CPLANE1: variants seen among roughly 807,000 people sequenced by gnomAD.
CPLANE1 encodes the protein ciliogenesis and planar polarity effector 1.
In CPLANE1, 263 loss-of-function variants were observed where a neutral mutation model predicts 362.5. That is an observed-to-expected ratio of 0.73 (90% confidence interval 0.66 to 0.80). The LOEUF is 0.80. CPLANE1 is among the 30% of genes least tolerant of loss of function. The pLI, the probability that CPLANE1 is intolerant of heterozygous loss-of-function variation, is 0.00. For missense variants in CPLANE1, 3,461 were observed against 3,793.4 expected, an observed-to-expected ratio of 0.91 and a Z score of 2.30; for synonymous variants, 1,212 against 1,302.6, an observed-to-expected ratio of 0.93 and a Z score of 1.50.
At chr5:37,186,758 C>T (rs1448305446) in intron 23 of CPLANE1, among the ~76,000 whole-genome samples, 1 of 152,094 alleles carries the variant, frequency 6.6e-6, no homozygotes, top group Non-Finnish European at 1.5e-5. Flanking sequence ...CAATACACTA[C>T]GATTAACTGT....
chr5:37,108,662 T>C lies in CPLANE1; in HGVS notation c.9401-191A>G, dbSNP rs188827742. 1.2e-4 allele frequency among the ~76,000 whole-genome samples: 19 copies of C among 152,354 alleles called. No homozygotes were observed. In the Middle Eastern group the frequency reaches 0.01, roughly 82 times the overall value. On this transcript the variant is annotated intron_variant, in intron 51 of 52. Transcript: ENST00000651892. ...TCCTGTCACTGTACGAGATGGAAAC[T>C]GAATTCCAGCCTTTGGATTTGAAAA... is the stretch of plus-strand genomic sequence containing the variant.
At chr5:37,134,154 T>G (rs1413426317) in intron 46 of CPLANE1, among the ~76,000 whole-genome samples, 2 of 152,224 alleles carry the variant, frequency 1.3e-5, no homozygotes, top group East Asian at 3.8e-4. Flanking sequence ...GTCACCTTCA[T>G]AGAATGATTG....
At chr5:37,238,602 C>A (rs1024881399) in intron 8 of CPLANE1, among the ~76,000 whole-genome samples, 6 of 146,326 alleles carry the variant, frequency 4.1e-5, no homozygotes, top group Non-Finnish European at 7.4e-5. Context: ...TCAGGTGATA[C>A]CCCCTAGCTC....
the CPLANE1 span, among the ~76,000 whole-genome samples, chr5:37,081,399 T>C: frequency 3.3e-5 from 5 of 152,094 alleles, no homozygotes; most frequent in Non-Finnish European, 7.4e-5. Context: ...CTCGGCTCAC[T>C]GCAACCTCCA....
At chr5:37,200,404 C>T (rs192218126) in intron 19 of CPLANE1, among the ~76,000 whole-genome samples, 100 of 152,296 alleles carry the variant, frequency 6.6e-4, no homozygotes, top group Non-Finnish European at 1.3e-3. Flanking sequence ...AATTTCTAAA[C>T]CAATTACTAA....
chr5:37,231,144 CA>C (rs1561681405), intron 8 of CPLANE1, 95 bp from the exon 9 acceptor site: 1 of 848,002 alleles, frequency 1.2e-6, no homozygotes. Context: ...TGTGAAAGTT[CA>C]AAAAATGAGG....
intron 26 of CPLANE1, among the ~76,000 whole-genome samples, chr5:37,182,196 T>TAC (rs1353926767): frequency 6.6e-6 from 1 of 151,670 alleles, no homozygotes; most frequent in Non-Finnish European, 1.5e-5. Context: ...CACACACACA[T>TAC]ACACACACAC....
intron 49 of CPLANE1, 120 bp downstream of exon 49, chr5:37,121,497 T>A (rs942338818): frequency 1.1e-6 from 1 of 872,540 alleles, no homozygotes. Flanking sequence ...TTTTCCTTTA[T>A]CATCATAACT....
chr5:37,213,586 C>G lies in CPLANE1; in HGVS notation c.2893G>C (p.Val965Leu), dbSNP rs1221769879. 13 of 1,544,522 alleles carry G rather than the reference C, an allele frequency of 8.4e-6. No individual in the cohort carries two copies. The highest frequency in any genetic ancestry group is 1.1e-5 in the Non-Finnish European group (13 of 1,142,850). Residue 965 changes from valine (V) to leucine (L), a missense_variant, in exon 16 of 53, where the codon GTT becomes CTT. Coordinates refer to ENST00000651892, the MANE Select transcript of CPLANE1 (RefSeq NM_001384732.1). ...GTTTTAATATGAAGTGGGGGAAGAA[C>G]ATTCACATGATGAGGGGGCAAAATG... Reference protein sequence around the residue: ...LCILPPHHVNVLPPLHIKTEQ... With the variant: ...LCILPPHHVNLLPPLHIKTEQ...
At chr5:37,144,837 C>T (rs1341989856) in intron 43 of CPLANE1, among the ~76,000 whole-genome samples, 6 of 139,170 alleles carry the variant, frequency 4.3e-5, no homozygotes, top group African/African-American at 1.1e-4. Flanking sequence ...GGTGACAGAG[C>T]GAGACTCTGT....
chr5:37,154,605 C>A (rs1306163095), intron 41 of CPLANE1, among the ~76,000 whole-genome samples: 1 of 151,586 alleles, frequency 6.6e-6, no homozygotes, highest in Admixed American at 6.6e-5. Context: ...TGGTCTGCAA[C>A]ACCTTTTTTA....
In CPLANE1 at chr5:37,209,431, T is replaced by G. The variant is rs1561612925; in HGVS notation, c.2921-3006A>C. 3 of 1,304,134 alleles carry G rather than the reference T, an allele frequency of 2.3e-6. No individual in the cohort carries two copies. The East Asian group carries it at 6.9e-5, about 30-fold the overall frequency. The allele number at this position is 1,304,134 out of a possible 1,614,324, so 80.8% of individuals were successfully genotyped here. ...AGTCAAAATGAACTGCGCAAAAAGC[T>G]ATACCAGACATTTAAGGATCGGGGT... On this transcript the variant is annotated intron_variant, in intron 16 of 52. Transcript: ENST00000651892. The surrounding 1 kb of genome is among the most constrained non-coding windows in gnomAD (Gnocchi z 4.6).
intron 52 of CPLANE1, 37 bp from the exon 53 acceptor site, chr5:37,107,815 TA>T: frequency 2.0e-6 from 3 of 1,503,578 alleles, no homozygotes; most frequent in South Asian, 1.3e-5. Flanking sequence ...TCCTAGCCCC[TA>T]AAAACAAACA....
chr5:37,121,886 T>G (rs530401361), intron 48 of CPLANE1, 102 bp from the exon 49 acceptor site: 5 of 1,052,170 alleles, frequency 4.8e-6, no homozygotes, highest in African/African-American at 1.6e-5. Flanking sequence ...TTCTGGTTTT[T>G]TTTTTTTTTT....
intron 42 of CPLANE1, among the ~76,000 whole-genome samples, chr5:37,153,113 G>A (rs1774027538): frequency 6.6e-6 from 1 of 152,072 alleles, no homozygotes; most frequent in African/African-American, 2.4e-5. Context: ...TAGGAAGCAT[G>A]GGTTTACTTC....
At position 37,224,305 on chromosome 5, in the gene CPLANE1, A is replaced by G; in HGVS notation, c.2529T>C (p.Tyr843=). The change falls in exon 14 of 53, where the codon TAT becomes TAC. Residue 843 remains tyrosine, a synonymous_variant. Coordinates refer to ENST00000651892, the MANE Select transcript of CPLANE1 (RefSeq NM_001384732.1). ...TTTTCCACAGCTGAACAGACTTTTC[A>G]TATGATCCTAATAAAAAACATTCTT... ...NGEECFLLGS[Y]EKSVQLWKKA... is the part of the protein sequence containing the mutation. 6.5e-7 allele frequency: 1 copy of G among 1,549,702 alleles called. No homozygotes were observed. The highest frequency in any genetic ancestry group is 1.2e-5 in the South Asian group (1 of 83,514).
chr5:37,090,709 G>T, the CPLANE1 span, among the ~76,000 whole-genome samples: 3 of 152,132 alleles, frequency 2.0e-5, no homozygotes, highest in Non-Finnish European at 4.4e-5. Flanking sequence ...CTCGATCTGG[G>T]TTTACTAGCA....
chr5:37,143,935 C>T (rs1452957425), intron 43 of CPLANE1, among the ~76,000 whole-genome samples: 31 of 87,124 alleles, frequency 3.6e-4, no homozygotes, highest in Non-Finnish European at 5.5e-4. Context: ...AACTCTGTCT[C>T]GAAAAAAAAA....
chr5:37,093,998 G>A, the CPLANE1 span, among the ~76,000 whole-genome samples: 1 of 115,080 alleles, frequency 8.7e-6, no homozygotes, highest in Non-Finnish European at 1.7e-5. Context: ...GCAGGATAGC[G>A]CTGGGAGGGG....
Sources: allele counts gnomAD v4.1 joint callset (sites outside exome capture counted in the v4.1 genomes callset), GRCh38; gene constraint gnomAD v4.1.1; non-coding constraint Gnocchi (gnomAD v3.1); transcripts MANE v1.5; gene names NCBI Gene and HGNC (gene_info 2026-07-23, HGNC 2026-07-21).